The following ZNF268 variants were observed in gnomAD, a reference collection of about 807,000 sequenced individuals.
The protein encoded by ZNF268 is zinc finger protein 3.
ZNF268 carries 20 observed loss-of-function variants against 29.3 expected under a neutral mutation model. The observed-to-expected ratio is 0.68, with a 90% CI of 0.48 to 0.99. The LOEUF is 0.99. Among genes scored for constraint, ZNF268 ranks in the 50% least tolerant of loss-of-function variants. The pLI, the probability that ZNF268 is intolerant of heterozygous loss-of-function variation, is 0.00. For synonymous variants in ZNF268, 429 were observed against 376.9 expected, an observed-to-expected ratio of 1.14 and a Z score of -1.60; for missense variants, 1,240 against 1,121.6, an observed-to-expected ratio of 1.11 and a Z score of -1.51.
At chr12:133,187,769 G>C (rs557882635) in intron 2 of ZNF268, 103 bp from the exon 3 acceptor site, 23 of 1,180,494 alleles carry the variant, frequency 1.9e-5, no homozygotes, top group East Asian at 5.1e-5. Flanking sequence ...AACCTGCCTT[G>C]TTTTCTAACG....
At chr12:133,183,209 G>C (rs942783992) in intron 2 of ZNF268, among the ~76,000 whole-genome samples, 7 of 152,190 alleles carry the variant, frequency 4.6e-5, no homozygotes, top group African/African-American at 1.4e-4. Context: ...CGAGTCCCTG[G>C]TTGGGGACTG....
chr12:133,200,870 A>G (rs1223742269), intron 5 of ZNF268, among the ~76,000 whole-genome samples: 1 of 152,072 alleles, frequency 6.6e-6, no homozygotes, highest in Non-Finnish European at 1.5e-5. Context: ...ATTGCTCAGT[A>G]TAGAAAGGTA....
At chr12:133,191,190 G>T (rs1956462471) in intron 3 of ZNF268, among the ~76,000 whole-genome samples, 1 of 152,010 alleles carries the variant, frequency 6.6e-6, no homozygotes, top group South Asian at 2.1e-4. Context: ...GGTGGTGGGT[G>T]CCTGTAGTCC....
Position 133,206,094 on chromosome 12 carries a change from G to A in ZNF268, c.*1564G>A, listed in dbSNP as rs1030637598. On this transcript the variant is annotated 3_prime_UTR_variant, in exon 6 of 6. Transcript: ENST00000536435. ...TCCTTGTTTGATTGCATTAGCCATT[G>A]TGTATCTTTTGCATACAGCTTACTA... is the stretch of plus-strand genomic sequence containing the variant. 1 of 152,194 alleles carries A rather than the reference G, an allele frequency of 6.6e-6. No homozygotes were observed. The highest frequency in any genetic ancestry group is 1.5e-5 in the Non-Finnish European group (1 of 68,034). 9.4% of individuals were successfully genotyped at this position (152,194 alleles called of 1,614,324 possible).
chr12:133,200,703 T>G (rs1419214742), intron 5 of ZNF268, among the ~76,000 whole-genome samples: 5 of 152,146 alleles, frequency 3.3e-5, no homozygotes, highest in Non-Finnish European at 5.9e-5. Flanking sequence ...CCCTTTTTGT[T>G]TTTGTGTTCA....
rs1302474301 is a variant in ZNF268, at chr12:133,195,985, C to T, written c.457+3982C>T. Among the ~76,000 whole-genome samples the T allele has an allele frequency of 2.8e-5, 4 of 144,602 alleles. No homozygotes were observed. The South Asian group carries it at 9.0e-4, about 33-fold the overall frequency. 94.9% of individuals were successfully genotyped at this position (144,602 alleles called of 152,430 possible). On this transcript the variant is annotated intron_variant, in intron 5 of 5. Transcript: ENST00000536435. ...TCAGCCTCCCAAGGTGCTGGGATTA[C>T]AGGCATGAACCACTATGCCCGGCCA...
chr12:133,207,049 G>T lies in ZNF268; in HGVS notation c.*2519G>T, dbSNP rs1270959250. On this transcript the variant is annotated 3_prime_UTR_variant, in exon 6 of 6. Transcript: ENST00000536435. ...ATTGAGGACAGCACTCACATACTGT[G>T]GGAAAGAATAATACTTGATTAGGAC... The T allele has an allele frequency of 6.6e-6, 1 of 152,090 alleles. No homozygotes were observed. Among genetic ancestry groups the T allele is most frequent in the Non-Finnish European group, 1.5e-5 (1 of 68,022 alleles). The allele number at this position is 152,090 out of a possible 1,614,324, so 9.4% of individuals were successfully genotyped here.
In ZNF268 at chr12:133,204,580, A is replaced by G; in HGVS notation, c.*50A>G. The G allele has an allele frequency of 7.6e-7, 1 of 1,318,010 alleles. No individual in the cohort carries two copies. The highest frequency in any genetic ancestry group is 2.0e-4 in the Middle Eastern group (1 of 5,096). 81.6% of individuals were successfully genotyped at this position (1,318,010 alleles called of 1,614,324 possible). ...GGATTCACAAGAGATAGAAACAATCATATATAAAGAGAAACTCTGTAAGTG... is the reference window on the plus strand; with the variant it reads ...GGATTCACAAGAGATAGAAACAATCGTATATAAAGAGAAACTCTGTAAGTG... On this transcript the variant is annotated 3_prime_UTR_variant, in exon 6 of 6. Coordinates refer to ENST00000536435, the MANE Select transcript of ZNF268 (RefSeq NM_003415.3).
Position 133,181,945 on chromosome 12 carries a change from G to T in ZNF268, c.-52-1G>T, listed in dbSNP as rs1566360144. The T allele has an allele frequency of 1.3e-6, 2 of 1,548,846 alleles. No individual in the cohort carries two copies. The highest frequency in any genetic ancestry group is 2.0e-5 in the Admixed American group (1 of 51,048). On this transcript the variant is annotated splice_acceptor_variant, in intron 1 of 5. Transcript: ENST00000536435. LOFTEE classifies it low-confidence loss of function (5UTR_SPLICE). ...TTTCTTCACTGTGCTCTCTCTTCTA[G>T]CATCCCTCGCGTCCTGTCACTTCCA...
chr12:133,212,810 C>T lies in ZNF268; in HGVS notation c.*8280C>T, dbSNP rs1170987904. 2 of 152,120 alleles carry T rather than the reference C, an allele frequency of 1.3e-5. No homozygotes were observed. The highest frequency in any genetic ancestry group is 2.9e-5 in the Non-Finnish European group (2 of 68,024). 9.4% of individuals were successfully genotyped at this position (152,120 alleles called of 1,614,324 possible). On this transcript the variant is annotated 3_prime_UTR_variant, in exon 6 of 6. Coordinates refer to ENST00000536435, the MANE Select transcript of ZNF268 (RefSeq NM_003415.3). Reference sequence around the variant, plus strand: ...GCTCAAGGGATCCTTCCACCTCAGCCTCCTGGGTAGCTGGAACTACAGGTG... The same window carrying T: ...GCTCAAGGGATCCTTCCACCTCAGCTTCCTGGGTAGCTGGAACTACAGGTG...
chr12:133,208,120 G>A lies in ZNF268; in HGVS notation c.*3590G>A, dbSNP rs1174960101. Reference sequence around the variant, plus strand: ...CCAGCACTTGGGAAGGCTGAGGCTGGAGGATTGCTGGAACCCAGGAGTTCG... The same window carrying A: ...CCAGCACTTGGGAAGGCTGAGGCTGAAGGATTGCTGGAACCCAGGAGTTCG... On this transcript the variant is annotated 3_prime_UTR_variant, in exon 6 of 6. Coordinates refer to ENST00000536435, the MANE Select transcript of ZNF268 (RefSeq NM_003415.3). The A allele has an allele frequency of 2.0e-5, 3 of 152,160 alleles. No homozygotes were observed. Among genetic ancestry groups the A allele is most frequent in the Non-Finnish European group, 4.4e-5 (3 of 68,024 alleles). The allele number at this position is 152,160 out of a possible 1,614,324, so 9.4% of individuals were successfully genotyped here.
chr12:133,202,496 T>C lies in ZNF268; in HGVS notation c.810T>C (p.Tyr270=), dbSNP rs768897665. ...KKSQLMCQQM[Y]MGEKPFGCSC... ...CGCAACTTATGTGCCAACAAATGTATATGGGCGAAAAACCCTTTGGATGCA... is the reference window on the plus strand; with the variant it reads ...CGCAACTTATGTGCCAACAAATGTACATGGGCGAAAAACCCTTTGGATGCA... The change falls in exon 6 of 6, where the codon TAT becomes TAC. Residue 270 remains tyrosine (Y), a synonymous_variant. Transcript: ENST00000536435. The C allele has an allele frequency of 6.2e-7, 1 of 1,612,452 alleles. No homozygotes were observed. The highest frequency in any genetic ancestry group is 8.5e-7 in the Non-Finnish European group (1 of 1,179,174).
intron 2 of ZNF268, among the ~76,000 whole-genome samples, chr12:133,185,107 C>T (rs1419637960): frequency 6.6e-6 from 1 of 151,508 alleles, no homozygotes; most frequent in Admixed American, 6.6e-5. Context: ...TCGCTTGAAC[C>T]CCAGGAGTAG....
In ZNF268 at chr12:133,203,376, G is replaced by C. The variant is rs1176010421; in HGVS notation, c.1690G>C (p.Ala564Pro). ...NPYECHECGK[A>P]FSRKYQLISH... ...CTATGAATGCCATGAATGTGGGAAA[G>C]CCTTCAGTCGGAAATACCAGCTTAT... The change falls in exon 6 of 6, where the codon GCC becomes CCC. Residue 564 changes from alanine (A) to proline (P), a missense_variant. By Grantham distance (27) the Ala-to-Pro change is conservative. This residue lies in a region of ZNF268 where 1,177 missense variants were observed against 1,039.6 expected (regional missense o/e 1.13). Transcript: ENST00000536435. 2 of 1,548,336 alleles carry C rather than the reference G, an allele frequency of 1.3e-6. No individual in the cohort carries two copies. Among genetic ancestry groups the C allele is most frequent in the South Asian group, 2.4e-5 (2 of 84,696 alleles).
chr12:133,214,019 GAC>G lies in ZNF268; in HGVS notation c.*9492_*9493del, dbSNP rs1368663976. ...AAAAAAAGGTGAATATAGGAGAAAA[GAC>G]ACTGTAAAATAATATACCTGATAAG... On this transcript the variant is annotated 3_prime_UTR_variant, in exon 6 of 6. Transcript: ENST00000536435. The G allele has an allele frequency of 2.0e-5, 3 of 150,916 alleles. No homozygotes were observed. Among genetic ancestry groups the G allele is most frequent in the Non-Finnish European group, 4.4e-5 (3 of 67,862 alleles). 9.3% of individuals were successfully genotyped at this position (150,916 alleles called of 1,614,324 possible).
At chr12:133,190,010 A>G (rs924892785) in intron 3 of ZNF268, among the ~76,000 whole-genome samples, 16 of 151,188 alleles carry the variant, frequency 1.1e-4, no homozygotes, top group Admixed American at 4.0e-4. Flanking sequence ...AAGTTTCACC[A>G]TGTTAGCCAG....
At chr12:133,189,877 G>A (rs946388431) in intron 3 of ZNF268, among the ~76,000 whole-genome samples, 8 of 152,204 alleles carry the variant, frequency 5.3e-5, no homozygotes, top group East Asian at 3.9e-4. Context: ...GCACGACCTC[G>A]GCTCACTGTA....
intron 5 of ZNF268, among the ~76,000 whole-genome samples, chr12:133,196,469 A>T (rs1433126301): frequency 6.6e-6 from 1 of 152,130 alleles, no homozygotes; most frequent in Non-Finnish European, 1.5e-5. Context: ...GAGAAGACAC[A>T]TTAGATTTCC....
intron 2 of ZNF268, chr12:133,184,650 G>T (rs941551131): frequency 1.4e-5 from 6 of 415,422 alleles, no homozygotes; most frequent in African/African-American, 6.1e-5. Context: ...ACTGAGTCTC[G>T]CTCTGTCTTC....
Sources: allele counts gnomAD v4.1 joint callset (sites outside exome capture counted in the v4.1 genomes callset), GRCh38; gene constraint gnomAD v4.1.1; regional missense constraint gnomAD v4.1.1; transcripts MANE v1.5; gene names NCBI Gene and HGNC (gene_info 2026-07-23, HGNC 2026-07-21).